The following SEZ6L variants were observed in gnomAD, a reference collection of about 807,000 sequenced individuals.
SEZ6L encodes the protein seizure related 6 homolog like.
SEZ6L carries 37 observed loss-of-function variants against 106.2 expected under a neutral mutation model. That is an observed-to-expected ratio of 0.35 (90% confidence interval 0.27 to 0.46). The LOEUF (loss-of-function observed/expected upper bound fraction) is 0.46, where lower values mean the gene tolerates loss of function less well. Ranked by LOEUF, SEZ6L falls within the 20% of genes least tolerant of loss-of-function variation. The probability of loss-of-function intolerance (pLI) is 1.00; values close to 1 mark genes in which losing one functional copy is unlikely to be tolerated. For missense variants in SEZ6L, 1,172 were observed against 1,332.8 expected (o/e 0.88, Z 1.88); for synonymous variants, 541 against 570.4 (o/e 0.95, Z 0.73).
intron 9 of SEZ6L, among the ~76,000 whole-genome samples, chr22:26,322,143 T>C (rs1170775788): frequency 6.6e-6 from 1 of 152,206 alleles, no homozygotes; most frequent in Non-Finnish European, 1.5e-5. Flanking sequence ...CCAAGCACAT[T>C]GCATGGTATC....
intron 1 of SEZ6L, among the ~76,000 whole-genome samples, chr22:26,291,906 C>A (rs2145880677): frequency 6.6e-6 from 1 of 152,196 alleles, no homozygotes; most frequent in East Asian, 1.9e-4. Context: ...AGTGAGGCCC[C>A]TGTGCTTTTT....
At chr22:26,246,315 C>T (rs893409018) in intron 1 of SEZ6L, among the ~76,000 whole-genome samples, 26 of 152,260 alleles carry the variant, frequency 1.7e-4, no homozygotes, top group Admixed American at 1.3e-3. Flanking sequence ...TAGTCCACAT[C>T]GTATTACTAA....
Position 26,377,715 on chromosome 22 carries a change from C to T in SEZ6L, c.2985C>T (p.Ser995=). Residue 995 remains serine (S), a synonymous_variant, in exon 16 of 17, where the codon TCC becomes TCT. Coordinates refer to ENST00000248933, the MANE Select transcript of SEZ6L (RefSeq NM_021115.5). The stretch of plus-strand genomic sequence containing the variant: ...ACCTCCGCCTGCCTCTGATGTACTC[C>T]CACCCCTACAGCCAGATCACCGTGG... The part of the protein sequence containing the change: ...YSNLRLPLMY[S]HPYSQITVET... 6.2e-7 allele frequency: 1 copy of T among 1,613,994 alleles called. No homozygotes were observed. Among genetic ancestry groups the T allele is most frequent in the Non-Finnish European group, 8.5e-7 (1 of 1,179,922 alleles).
rs145626093 is a variant in SEZ6L at position 26,219,107 on chromosome 22, T to C, written c.94+49344T>C. Among the ~76,000 whole-genome samples the C allele has an allele frequency of 3.4e-3, 522 of 152,320 alleles. 2 individuals are homozygous for C. The highest frequency in any genetic ancestry group is 5.3e-3 in the Non-Finnish European group (359 of 68,028). The stretch of plus-strand genomic sequence containing the variant: ...ATTCGAGTGCTGGTTATGCCTTTAA[T>C]TGGTACATCACTTCTTTAAGCCTGA... On this transcript the variant is annotated intron_variant, in intron 1 of 16. Transcript: ENST00000248933.
At chr22:26,288,064 G>A (rs978608355) in intron 1 of SEZ6L, among the ~76,000 whole-genome samples, 1 of 152,186 alleles carries the variant, frequency 6.6e-6, no homozygotes, top group Admixed American at 6.5e-5. Context: ...GCCAGTTGGG[G>A]AATCTGTTTT....
chr22:26,274,628 C>T lies in SEZ6L; in HGVS notation c.95-17778C>T, dbSNP rs57702488. On this transcript the variant is annotated intron_variant, in intron 1 of 16. Transcript: ENST00000248933. The stretch of plus-strand genomic sequence containing the variant: ...CAGAACTTAGAAAAGCCATCATACC[C>T]AGCCATAACCATAAGGTTTATTACA... Among the ~76,000 whole-genome samples, 589 of 152,296 alleles carry T rather than the reference C, an allele frequency of 3.9e-3. 6 individuals are homozygous for T. Among genetic ancestry groups the T allele is most frequent in the African/African-American group, 0.014 (562 of 41,552 alleles).
At chr22:26,243,034 C>T (rs775471560) in intron 1 of SEZ6L, among the ~76,000 whole-genome samples, 48 of 152,132 alleles carry the variant, frequency 3.2e-4, no homozygotes, top group Non-Finnish European at 5.9e-4. Context: ...CCTTGCAACC[C>T]TTGGTAGTCT....
intron 13 of SEZ6L, among the ~76,000 whole-genome samples, chr22:26,366,941 C>G (rs1348418639): frequency 2.0e-5 from 3 of 152,136 alleles, no homozygotes; most frequent in African/African-American, 7.2e-5. Context: ...AGCCACCACA[C>G]CCAGCTGTAG....
intron 5 of SEZ6L, among the ~76,000 whole-genome samples, chr22:26,300,183 T>TA (rs2081410331): frequency 1.3e-5 from 2 of 152,290 alleles, no homozygotes; most frequent in South Asian, 4.2e-4. Flanking sequence ...CTTTAAGTTT[T>TA]AGGGTACATG....
At chr22:26,379,531 C>T (rs1464701829) in intron 16 of SEZ6L, among the ~76,000 whole-genome samples, 1 of 152,250 alleles carries the variant, frequency 6.6e-6, no homozygotes, top group Non-Finnish European at 1.5e-5. Flanking sequence ...TTCATTAAAG[C>T]ATGTGACAGT....
chr22:26,354,844 C>T (rs1402425373), intron 12 of SEZ6L, among the ~76,000 whole-genome samples: 7 of 152,200 alleles, frequency 4.6e-5, no homozygotes, highest in Admixed American at 4.6e-4. Flanking sequence ...GACGGCTTCC[C>T]TTACACCCAT....
At chr22:26,186,737 A>G (rs1278797809) in intron 1 of SEZ6L, among the ~76,000 whole-genome samples, 2 of 152,186 alleles carry the variant, frequency 1.3e-5, no homozygotes, top group East Asian at 3.9e-4. Flanking sequence ...AAAGAAGTGC[A>G]CAATTGGCCT....
chr22:26,355,662 G>A (rs527718023), intron 12 of SEZ6L, among the ~76,000 whole-genome samples: 3 of 152,314 alleles, frequency 2.0e-5, no homozygotes, highest in South Asian at 2.1e-4. Flanking sequence ...CTCAGGTGGC[G>A]GAGGTTGCAG....
chr22:26,371,416 T>C (rs1488142356), intron 13 of SEZ6L, among the ~76,000 whole-genome samples: 1 of 152,120 alleles, frequency 6.6e-6, no homozygotes, highest in South Asian at 2.1e-4. Context: ...GCACTGTATG[T>C]TTTCAATTTT....
intron 3 of SEZ6L, among the ~76,000 whole-genome samples, chr22:26,294,895 TGC>T (rs1282497324): frequency 4.8e-4 from 70 of 146,202 alleles, no homozygotes; most frequent in African/African-American, 1.7e-3. Context: ...CTTTCTTGCT[TGC>T]TTGCTTGCTT....
At chr22:26,220,675 G>C (rs975675291) in intron 1 of SEZ6L, among the ~76,000 whole-genome samples, 1 of 152,190 alleles carries the variant, frequency 6.6e-6, no homozygotes, top group Non-Finnish European at 1.5e-5. Flanking sequence ...AGCTGTCACA[G>C]TCACTGTCAT....
intron 5 of SEZ6L, among the ~76,000 whole-genome samples, chr22:26,301,704 A>G (rs2081459935): frequency 6.6e-6 from 1 of 151,986 alleles, no homozygotes; most frequent in East Asian, 1.9e-4. Context: ...TTGGAAGTTG[A>G]GTAGGAAATA....
rs1474016176 is a variant in SEZ6L at position 26,304,359 on chromosome 22, AAAAAAGAAAG to A, written c.1349-1617_1349-1608del. ...AGAGCAAGAGTTTGTCTCAAAAAAA[AAAAAAGAAAG>A]AAGAAAGAAAGAAAGAAAGAAAGAA... On this transcript the variant is annotated intron_variant, in intron 5 of 16. Transcript: ENST00000248933. Among the ~76,000 whole-genome samples the A allele has an allele frequency of 6.5e-5, 8 of 123,432 alleles. No homozygotes were observed. The South Asian group carries it at 1.0e-3, about 15-fold the overall frequency. The allele number at this position is 123,432 out of a possible 152,430, so 81.0% of individuals were successfully genotyped here.
At chr22:26,256,042 G>C (rs1422013371) in intron 1 of SEZ6L, among the ~76,000 whole-genome samples, 1 of 152,130 alleles carries the variant, frequency 6.6e-6, no homozygotes, top group African/African-American at 2.4e-5. Context: ...AAGAGGAAGA[G>C]AGTTCTATGT....
Sources: allele counts gnomAD v4.1 joint callset (sites outside exome capture counted in the v4.1 genomes callset), GRCh38; gene constraint gnomAD v4.1.1; transcripts MANE v1.5; gene names NCBI Gene and HGNC (gene_info 2026-07-23, HGNC 2026-07-21).